ANGPT1: variants seen among roughly 807,000 people sequenced by gnomAD.
ANGPT1 encodes the protein angiopoietin-1.
Under a neutral mutation model 62.2 loss-of-function variants are expected in ANGPT1, and 17 were observed. The observed-to-expected ratio is 0.27, with a 90% CI of 0.19 to 0.41. The LOEUF is 0.41. Ranked by LOEUF, ANGPT1 falls within the 10% of genes least tolerant of loss-of-function variation. ANGPT1 has a pLI of 1.00. For synonymous variants in ANGPT1, 199 were observed against 198.9 expected (o/e 1.00, Z 0.00); for missense variants, 478 against 594.9 (o/e 0.80, Z 2.04).
chr8:107,368,948 T>C (rs539206638), intron 1 of ANGPT1, among the ~76,000 whole-genome samples: 31 of 143,596 alleles, frequency 2.2e-4, no homozygotes, highest in South Asian at 1.6e-3. Flanking sequence ...ATAAGTATTG[T>C]CTTCAACTTA....
rs1335447380 is a variant in ANGPT1, at chr8:107,294,042, C to G, written c.937-5G>C. Reference sequence around the variant, plus strand: ...GACATCCATATTGCAAAACACCTGACAAATGGAAAACAAAGTCAAGTAAAA... The same window carrying G: ...GACATCCATATTGCAAAACACCTGAGAAATGGAAAACAAAGTCAAGTAAAA... On this transcript the variant is annotated splice_polypyrimidine_tract_variant and splice_region_variant and intron_variant, in intron 5 of 8. Coordinates refer to ENST00000517746, the MANE Select transcript of ANGPT1 (RefSeq NM_001146.5). 1.9e-6 allele frequency: 3 copies of G among 1,603,154 alleles called. No individual in the cohort carries two copies.
chr8:107,396,342 T>C (rs541533942), intron 1 of ANGPT1, among the ~76,000 whole-genome samples: 16 of 152,182 alleles, frequency 1.1e-4, no homozygotes, highest in Admixed American at 1.3e-4. Context: ...AAAACACCAA[T>C]AGGCATTTAA....
intron 1 of ANGPT1, among the ~76,000 whole-genome samples, chr8:107,348,101 G>T (rs1026633093): frequency 6.6e-6 from 1 of 152,068 alleles, no homozygotes; most frequent in Non-Finnish European, 1.5e-5. Context: ...GAGAAATCAG[G>T]TCCAAGGCCA....
chr8:107,299,422 A>ACAC (rs1281291162), intron 5 of ANGPT1, among the ~76,000 whole-genome samples: 1 of 116,148 alleles, frequency 8.6e-6, no homozygotes, highest in Admixed American at 8.8e-5. Flanking sequence ...TATATATATA[A>ACAC]ACATACATAT....
At chr8:107,345,150 G>A (rs779503164) in intron 2 of ANGPT1, among the ~76,000 whole-genome samples, 90 of 152,126 alleles carry the variant, frequency 5.9e-4, no homozygotes, top group Admixed American at 4.0e-3. Flanking sequence ...ATTGCTACTT[G>A]TGATGGATTT....
At chr8:107,269,849 G>A (rs1321123331) in intron 7 of ANGPT1, among the ~76,000 whole-genome samples, 2 of 151,976 alleles carry the variant, frequency 1.3e-5, no homozygotes, top group Non-Finnish European at 2.9e-5. Flanking sequence ...TTCGACGGAT[G>A]ACTATAAAGA....
intron 1 of ANGPT1, among the ~76,000 whole-genome samples, chr8:107,373,786 T>G (rs1672189): frequency 0.75 from 113,305 of 152,084 alleles, 43,073 homozygotes; most frequent in East Asian, 0.87. Flanking sequence ...TCTGACTTAT[T>G]GTGTCTTATA....
intron 8 of ANGPT1, among the ~76,000 whole-genome samples, chr8:107,263,377 A>C (rs1453064941): frequency 3.6e-5 from 5 of 140,372 alleles, no homozygotes; most frequent in African/African-American, 1.3e-4. Context: ...AAAAAAAAAA[A>C]AGGAAGTAGA....
At chr8:107,432,427 G>T (rs1364454077) in intron 1 of ANGPT1, among the ~76,000 whole-genome samples, 1 of 152,182 alleles carries the variant, frequency 6.6e-6, no homozygotes, top group African/African-American at 2.4e-5. Flanking sequence ...CACTTTGGGA[G>T]GCCAAGGCAG....
At position 107,294,087 on chromosome 8, in the gene ANGPT1, A is replaced by C. The variant is rs927540786; in HGVS notation, c.937-50T>G. 6 of 1,454,636 alleles carry C rather than the reference A, an allele frequency of 4.1e-6. No individual in the cohort carries two copies. The African/African-American group carries it at 7.0e-5, about 17-fold the overall frequency. 90.1% of individuals were successfully genotyped at this position (1,454,636 alleles called of 1,614,324 possible). ...GTAAAAAATACTTCTACTTTAAAAAACATATATCCTACATGTTTCAAAATA... is the reference window on the plus strand; with the variant it reads ...GTAAAAAATACTTCTACTTTAAAAACCATATATCCTACATGTTTCAAAATA... On this transcript the variant is annotated intron_variant, in intron 5 of 8. Coordinates refer to ENST00000517746, the MANE Select transcript of ANGPT1 (RefSeq NM_001146.5).
At chr8:107,426,856 T>G (rs767145625) in intron 1 of ANGPT1, among the ~76,000 whole-genome samples, 145 of 152,328 alleles carry the variant, frequency 9.5e-4, no homozygotes, top group Non-Finnish European at 1.7e-3. Flanking sequence ...CAAACACTAC[T>G]CTTTTTCAAT....
chr8:107,310,228 G>A (rs1814817207), intron 4 of ANGPT1, among the ~76,000 whole-genome samples: 1 of 152,040 alleles, frequency 6.6e-6, no homozygotes, highest in African/African-American at 2.4e-5. Flanking sequence ...TGTTTTACAT[G>A]CTTCATTTTG....
At chr8:107,458,111 A>G (rs1375368956) in intron 1 of ANGPT1, among the ~76,000 whole-genome samples, 2 of 152,192 alleles carry the variant, frequency 1.3e-5, no homozygotes, top group Non-Finnish European at 2.9e-5. Flanking sequence ...TGTGTAGCTG[A>G]AATTCCAGTA....
At chr8:107,268,397 C>T (rs1437109855) in intron 7 of ANGPT1, among the ~76,000 whole-genome samples, 1 of 144,052 alleles carries the variant, frequency 6.9e-6, no homozygotes, top group Admixed American at 6.9e-5. Context: ...AAAAAATACA[C>T]ATGTAGGGTT....
intron 1 of ANGPT1, among the ~76,000 whole-genome samples, chr8:107,361,158 A>T (rs1816153111): frequency 6.6e-6 from 1 of 152,118 alleles, no homozygotes; most frequent in African/African-American, 2.4e-5. Flanking sequence ...TATTATATGC[A>T]CATAATATTA....
intron 1 of ANGPT1, among the ~76,000 whole-genome samples, chr8:107,425,396 G>A (rs978358965): frequency 2.0e-5 from 3 of 152,178 alleles, no homozygotes; most frequent in African/African-American, 4.8e-5. Context: ...TAAGGATAAT[G>A]AGAGAAATTT....
In ANGPT1 at chr8:107,251,850, C is replaced by T. The variant is rs780737876; in HGVS notation, c.*5G>A. 1.2e-5 allele frequency: 19 copies of T among 1,613,408 alleles called. No homozygotes were observed. The highest frequency in any genetic ancestry group is 2.2e-5 in the East Asian group (1 of 44,876). On this transcript the variant is annotated 3_prime_UTR_variant, in exon 9 of 9. Coordinates refer to ENST00000517746, the MANE Select transcript of ANGPT1 (RefSeq NM_001146.5). ...GCTTTCATAATCGCTTCTGACATTG[C>T]GCTTTCAAAAATCTAAAGGTCGAAT... is the stretch of plus-strand genomic sequence containing the variant.
Position 107,385,989 on chromosome 8 carries a change from C to T in ANGPT1, c.298-38892G>A, listed in dbSNP as rs543614774. Among the ~76,000 whole-genome samples, 10 of 151,880 alleles carry T rather than the reference C, an allele frequency of 6.6e-5. No homozygotes were observed. In the East Asian group the frequency reaches 1.2e-3, roughly 18 times the overall value. On this transcript the variant is annotated intron_variant, in intron 1 of 8. Coordinates refer to ENST00000517746, the MANE Select transcript of ANGPT1 (RefSeq NM_001146.5). ...TCCCAGGAATAAAGCCTACTTGATC[C>T]GGTGAATTAGCTTTAACGGTGGACT... is the stretch of plus-strand genomic sequence containing the variant.
At chr8:107,291,704 C>A (rs1347446890) in intron 6 of ANGPT1, among the ~76,000 whole-genome samples, 1 of 152,014 alleles carries the variant, frequency 6.6e-6, no homozygotes, top group Non-Finnish European at 1.5e-5. Flanking sequence ...AGCTACCGTG[C>A]CTGGCCTATA....
Sources: gnomAD v4.1 joint callset for allele counts (sites outside exome capture counted in the v4.1 genomes callset) on GRCh38, gnomAD v4.1.1 for gene constraint, MANE v1.5 for transcripts, NCBI Gene and HGNC (gene_info 2026-07-23, HGNC 2026-07-21) for gene names.